DISC1: variants seen among roughly 807,000 people sequenced by gnomAD.
DISC1 encodes the protein DISC1 scaffold protein, also known as disrupted in schizophrenia 1 protein.
Under a neutral mutation model 84.5 loss-of-function variants are expected in DISC1, and 57 were observed. The ratio of observed to expected loss-of-function variants is 0.67; its 90% CI spans 0.55 to 0.84. The LOEUF (loss-of-function observed/expected upper bound fraction) is 0.84. Ranked by LOEUF, DISC1 falls within the 40% of genes least tolerant of loss-of-function variation. The pLI is 0.00. For synonymous variants in DISC1, 411 were observed against 415.2 expected, an observed-to-expected ratio of 0.99 and a Z score of 0.12; for missense variants, 1,000 against 1,057.8, an observed-to-expected ratio of 0.95 and a Z score of 0.76.
At position 231,771,087 on chromosome 1, in the gene DISC1, A is replaced by G. The variant is rs1050470192; in HGVS notation, c.1634+17A>G. 7.7e-6 allele frequency: 12 copies of G among 1,565,500 alleles called. No homozygotes were observed. The highest frequency in any genetic ancestry group is 8.7e-6 in the Non-Finnish European group (10 of 1,152,578). ...CATAAGGAGGTACTGCTGATTTCCT[A>G]ACTGATTTTGGGTCGCTCGCCTCTT... is the stretch of plus-strand genomic sequence containing the variant. On this transcript the variant is annotated intron_variant, in intron 6 of 12. Transcript: ENST00000439617.
intron 1 of DISC1, among the ~76,000 whole-genome samples, chr1:231,658,485 G>A (rs529721720): frequency 6.6e-6 from 1 of 152,220 alleles, no homozygotes; most frequent in South Asian, 2.1e-4. Flanking sequence ...TCTCTTATCT[G>A]ATTGCCCTGG....
At chr1:231,884,714 A>G (rs1329729501) in intron 9 of DISC1, among the ~76,000 whole-genome samples, 1 of 152,072 alleles carries the variant, frequency 6.6e-6, no homozygotes, top group East Asian at 1.9e-4. Flanking sequence ...GGGTGATGAA[A>G]TAACCTCTAC....
intron 9 of DISC1, among the ~76,000 whole-genome samples, chr1:231,931,273 G>A (rs1040479244): frequency 6.6e-6 from 1 of 152,144 alleles, no homozygotes; most frequent in African/African-American, 2.4e-5. Context: ...GGTGTTCAGA[G>A]CCCTTGACTC....
intron 3 of DISC1, among the ~76,000 whole-genome samples, chr1:231,741,236 G>A (rs2793094): frequency 0.97 from 147,304 of 152,308 alleles, 71,406 homozygotes; most frequent in East Asian, 1. Flanking sequence ...ATGTAGGAAG[G>A]GGACAAAGCA....
intron 9 of DISC1, among the ~76,000 whole-genome samples, chr1:231,835,618 G>T (rs540235448): frequency 6.6e-6 from 1 of 152,332 alleles, no homozygotes; most frequent in Non-Finnish European, 1.5e-5. Context: ...CAGGGGATAT[G>T]ATGGCTTAGC....
intron 10 of DISC1, among the ~76,000 whole-genome samples, chr1:231,963,257 T>A (rs1207966646): frequency 6.6e-6 from 1 of 152,166 alleles, no homozygotes. Context: ...CATTGCATTT[T>A]TTTTTTTCTG....
At chr1:231,720,836 T>C (rs1444209567) in intron 3 of DISC1, 1 of 1,290,838 alleles carries the variant, frequency 7.7e-7, no homozygotes, top group Non-Finnish European at 1.0e-6. Context: ...CGTGTTGTCG[T>C]TTCGTTTACA....
At chr1:231,901,227 C>T (rs374682830) in intron 9 of DISC1, among the ~76,000 whole-genome samples, 2 of 152,140 alleles carry the variant, frequency 1.3e-5, no homozygotes, top group South Asian at 2.1e-4. Context: ...ATCAGAGAAA[C>T]GTCAATTTCA....
At chr1:231,941,513 A>G (rs2091341413) in intron 9 of DISC1, among the ~76,000 whole-genome samples, 1 of 149,426 alleles carries the variant, frequency 6.7e-6, no homozygotes, top group African/African-American at 2.5e-5. Flanking sequence ...TTGCTCTGTC[A>G]CCAGGCTGGA....
chr1:231,835,261 C>T (rs1025748702), intron 9 of DISC1, among the ~76,000 whole-genome samples: 7 of 152,288 alleles, frequency 4.6e-5, no homozygotes, highest in African/African-American at 7.2e-5. Context: ...GTGAAGAGAC[C>T]GCTAAACAGG....
At chr1:231,719,890 G>A (rs985882563) in intron 3 of DISC1, among the ~76,000 whole-genome samples, 1 of 152,144 alleles carries the variant, frequency 6.6e-6, no homozygotes, top group Non-Finnish European at 1.5e-5. Flanking sequence ...GTTATTTTCC[G>A]TCACAGCCAT....
intron 11 of DISC1, among the ~76,000 whole-genome samples, chr1:232,015,926 A>G (rs922602211): frequency 1.3e-5 from 2 of 152,158 alleles, no homozygotes; most frequent in Non-Finnish European, 2.9e-5. Context: ...TCATATGATT[A>G]GGAACCTCAG....
intron 3 of DISC1, among the ~76,000 whole-genome samples, chr1:231,716,277 A>T (rs2068699992): frequency 6.6e-6 from 1 of 150,968 alleles, no homozygotes; most frequent in African/African-American, 2.4e-5. Context: ...TTTGGCAATA[A>T]GAAGCTTATT....
At chr1:232,003,906 C>A (rs1428119069) in intron 10 of DISC1, among the ~76,000 whole-genome samples, 1 of 151,706 alleles carries the variant, frequency 6.6e-6, no homozygotes, top group Admixed American at 6.6e-5. Flanking sequence ...GCTGTAAATT[C>A]TAAAAATATA....
chr1:232,004,047 A>G (rs2102976794), intron 10 of DISC1, among the ~76,000 whole-genome samples: 1 of 151,628 alleles, frequency 6.6e-6, no homozygotes, highest in South Asian at 2.1e-4. Flanking sequence ...AAATAAACAT[A>G]TATTGGACAT....
At chr1:231,922,819 C>T (rs1312775785) in intron 9 of DISC1, among the ~76,000 whole-genome samples, 1 of 152,156 alleles carries the variant, frequency 6.6e-6, no homozygotes, top group African/African-American at 2.4e-5. Context: ...CCAGCAGGCG[C>T]TCCTCAGAGC....
chr1:231,978,450 C>A (rs1366450711), intron 10 of DISC1, among the ~76,000 whole-genome samples: 1 of 152,088 alleles, frequency 6.6e-6, no homozygotes, highest in Admixed American at 6.5e-5. Flanking sequence ...ATTTGATTAT[C>A]TTGAGGTACA....
chr1:231,628,703 G>A (rs2058461183), intron 1 of DISC1, among the ~76,000 whole-genome samples: 1 of 152,142 alleles, frequency 6.6e-6, no homozygotes, highest in Non-Finnish European at 1.5e-5. Context: ...CTTATAGAGT[G>A]GAGCTGTGAT....
At chr1:231,639,887 G>A (rs2059491460) in intron 1 of DISC1, among the ~76,000 whole-genome samples, 2 of 152,190 alleles carry the variant, frequency 1.3e-5, no homozygotes, top group Non-Finnish European at 2.9e-5. Context: ...TCCTAATCCA[G>A]GTCCAAGTGG....
Sources: allele counts gnomAD v4.1 joint callset (sites outside exome capture counted in the v4.1 genomes callset), GRCh38; gene constraint gnomAD v4.1.1; transcripts MANE v1.5; gene names NCBI Gene and HGNC (gene_info 2026-07-23, HGNC 2026-07-21).